The following NEK10 variants were observed in gnomAD, a reference collection of about 807,000 sequenced individuals.
The protein encoded by NEK10 is serine/threonine-protein kinase Nek10.
A neutral mutation model predicts 159.8 loss-of-function variants in NEK10; 122 were observed. The observed-to-expected ratio is 0.76, with a 90% CI of 0.66 to 0.89. NEK10 has a LOEUF of 0.89. NEK10 is among the 40% of genes least tolerant of loss of function. The pLI, the probability that NEK10 is intolerant of heterozygous loss-of-function variation, is 0.00. For synonymous variants in NEK10, 466 were observed against 457.1 expected (o/e 1.02, Z -0.25); for missense variants, 1,342 against 1,323.1 (o/e 1.01, Z -0.22).
At chr3:27,224,067 G>A (rs896149488) in intron 23 of NEK10, among the ~76,000 whole-genome samples, 3 of 152,180 alleles carry the variant, frequency 2.0e-5, no homozygotes, top group African/African-American at 7.2e-5. Context: ...CTGCATAAGG[G>A]TGGGCCCTAA....
intron 6 of NEK10, among the ~76,000 whole-genome samples, chr3:27,317,311 C>T (rs1172588620): frequency 6.6e-6 from 1 of 152,214 alleles, no homozygotes; most frequent in Admixed American, 6.5e-5. Context: ...CTTCTAGTTA[C>T]TGACCTGAAA....
intron 3 of NEK10, among the ~76,000 whole-genome samples, chr3:27,348,727 C>G (rs1175476911): frequency 6.6e-6 from 1 of 152,140 alleles, no homozygotes; most frequent in Non-Finnish European, 1.5e-5. Flanking sequence ...CAAAACTTAT[C>G]TCAGGCTAGT....
intron 16 of NEK10, 29 bp from the exon 17 acceptor site, chr3:27,291,615 T>G (rs773149113): frequency 1.6e-6 from 2 of 1,236,038 alleles, no homozygotes; most frequent in Non-Finnish European, 2.4e-6. Flanking sequence ...ACACTTAAAG[T>G]AGAACTTGGA....
intron 31 of NEK10, among the ~76,000 whole-genome samples, chr3:27,134,497 T>C (rs1263880467): frequency 1.3e-5 from 2 of 152,238 alleles, no homozygotes; most frequent in Non-Finnish European, 2.9e-5. Context: ...AGTGGGCTCA[T>C]AGCTTCCTTC....
intron 26 of NEK10, among the ~76,000 whole-genome samples, chr3:27,191,284 AC>A (rs1949090233): frequency 2.0e-5 from 3 of 147,514 alleles, no homozygotes; most frequent in Admixed American, 1.4e-4. Context: ...CCTTGGGCCC[AC>A]CCCCAGAACA....
chr3:27,305,605 G>C (rs1277538452), intron 11 of NEK10, among the ~76,000 whole-genome samples: 1 of 113,774 alleles, frequency 8.8e-6, no homozygotes, highest in African/African-American at 5.4e-5. Context: ...TCTGCATTGT[G>C]CTAAAGACTA....
chr3:27,245,387 A>G (rs1019819753), intron 23 of NEK10, among the ~76,000 whole-genome samples: 13 of 152,332 alleles, frequency 8.5e-5, no homozygotes, highest in African/African-American at 3.1e-4. Flanking sequence ...CCAACAGAAT[A>G]TGGCAGAAGG....
chr3:27,348,283 C>G (rs2047710686), intron 3 of NEK10, among the ~76,000 whole-genome samples: 1 of 152,130 alleles, frequency 6.6e-6, no homozygotes, highest in African/African-American at 2.4e-5. Flanking sequence ...AATTAGCCAG[C>G]ACAGAGAAAG....
Position 27,106,823 on chromosome 3 carries a change from C to T in NEK10, c.*4449G>A, listed in dbSNP as rs935147910. Among the ~76,000 whole-genome samples the T allele has an allele frequency of 8.5e-5, 13 of 152,122 alleles. No individual in the cohort carries two copies. The highest frequency in any genetic ancestry group is 7.2e-4 in the Admixed American group (11 of 15,266). ...GTTGATTGTCAAAATGACAGTCAGCCATAATCCTCCATACATAAAGACAAA... is the reference window on the plus strand; with the variant it reads ...GTTGATTGTCAAAATGACAGTCAGCTATAATCCTCCATACATAAAGACAAA... On this transcript the variant is annotated 3_prime_UTR_variant, in exon 36 of 36. Coordinates refer to ENST00000691995, the MANE Select transcript of NEK10 (RefSeq NM_001394966.1).
chr3:27,361,979 T>C (rs1165949513), intron 1 of NEK10, among the ~76,000 whole-genome samples: 2 of 152,180 alleles, frequency 1.3e-5, no homozygotes. Context: ...TTGCTGATAA[T>C]GTCTCTTTGT....
chr3:27,228,591 G>T (rs1952882314), intron 23 of NEK10, among the ~76,000 whole-genome samples: 1 of 152,140 alleles, frequency 6.6e-6, no homozygotes, highest in Non-Finnish European at 1.5e-5. Context: ...GATCTAAGAG[G>T]CAGGAGCTAG....
At chr3:27,326,302 A>G (rs1342355132) in intron 5 of NEK10, among the ~76,000 whole-genome samples, 1 of 152,208 alleles carries the variant, frequency 6.6e-6, no homozygotes, top group African/African-American at 2.4e-5. Flanking sequence ...CAAAGATACT[A>G]CATCCCAAAG....
intron 26 of NEK10, among the ~76,000 whole-genome samples, chr3:27,180,407 CAAGGG>C (rs1303209698): frequency 7.5e-5 from 6 of 80,340 alleles, no homozygotes; most frequent in Non-Finnish European, 1.2e-4. Context: ...AAAAGAAAGA[CAAGGG>C]AAGGGAAGGG....
At chr3:27,310,418 T>G (rs2044599736) in intron 9 of NEK10, 2 of 152,272 alleles carry the variant, frequency 1.3e-5, no homozygotes, top group South Asian at 4.1e-4. Flanking sequence ...CTTGCTCCCA[T>G]ATACACTAGA....
At chr3:27,124,986 A>G (rs1220943953) in intron 32 of NEK10, among the ~76,000 whole-genome samples, 2 of 152,124 alleles carry the variant, frequency 1.3e-5, no homozygotes, top group Admixed American at 6.6e-5. Context: ...TCTGTTTGAA[A>G]GAATGTGTAA....
intron 6 of NEK10, among the ~76,000 whole-genome samples, chr3:27,318,261 T>G (rs1249092751): frequency 6.6e-6 from 1 of 152,236 alleles, no homozygotes; most frequent in Non-Finnish European, 1.5e-5. Flanking sequence ...TTCTAAAGTT[T>G]TCTACCGTAA....
intron 23 of NEK10, among the ~76,000 whole-genome samples, chr3:27,224,099 A>G (rs1486708508): frequency 6.6e-6 from 1 of 152,238 alleles, no homozygotes; most frequent in Non-Finnish European, 1.5e-5. Flanking sequence ...TACTGTACTG[A>G]GAAAACAGAC....
At chr3:27,252,177 A>C (rs773391809) in intron 23 of NEK10, 24 of 494,654 alleles carry the variant, frequency 4.9e-5, no homozygotes, top group Admixed American at 1.0e-4. Flanking sequence ...TAGTGGAGAG[A>C]CACACTATAA....
Position 27,116,014 on chromosome 3 carries a change from G to T in NEK10, c.3244-19C>A, listed in dbSNP as rs946321679. 1 of 1,612,472 alleles carries T rather than the reference G, an allele frequency of 6.2e-7. No homozygotes were observed. The highest frequency in any genetic ancestry group is 8.5e-7 in the Non-Finnish European group (1 of 1,178,870). ...TCACAGTCTAAAATTTTAAAAATCA[G>T]GTTAGTATTGAATTAGAAGTAACAA... On this transcript the variant is annotated intron_variant, in intron 34 of 35. Transcript: ENST00000691995.
Sources: allele counts gnomAD v4.1 joint callset (sites outside exome capture counted in the v4.1 genomes callset), GRCh38; gene constraint gnomAD v4.1.1; transcripts MANE v1.5; gene names NCBI Gene and HGNC (gene_info 2026-07-23, HGNC 2026-07-21).